The following DTNA variants were observed in gnomAD, a reference collection of about 807,000 sequenced individuals.
DTNA encodes dystrobrevin alpha.
DTNA carries 43 observed loss-of-function variants against 100.7 expected under a neutral mutation model. That is an observed-to-expected ratio of 0.43 (90% CI 0.33 to 0.55). The LOEUF is 0.55. Ranked by LOEUF, DTNA falls within the 20% of genes least tolerant of loss-of-function variation. DTNA has a pLI of 0.04. For synonymous variants in DTNA, 349 were observed against 347.9 expected (o/e 1.00, Z -0.04); for missense variants, 798 against 953.9 (o/e 0.84, Z 2.15).
chr18:34,671,072 A>G (rs2076686434), intron 1 of DTNA, among the ~76,000 whole-genome samples: 1 of 152,148 alleles, frequency 6.6e-6, no homozygotes, highest in Admixed American at 6.5e-5. Context: ...GGCTCCACCC[A>G]GTTCAAGCTT....
Position 34,875,309 on chromosome 18 carries a change from G to T in DTNA, c.1814G>T (p.Arg605Leu), listed in dbSNP as rs768575898. The T allele has an allele frequency of 6.2e-7, 1 of 1,614,152 alleles. No homozygotes were observed. Among genetic ancestry groups the T allele is most frequent in the Admixed American group, 1.7e-5 (1 of 60,028 alleles). ...AGCAGGCCAATTCCCATGCCCATCC[G>T]GTCAGCGTCAGCCTGCTCCACCCCG... ...TISRPIPMPI[R>L]SASACSTPTH... The change falls in exon 18 of 23, where the codon CGG (arginine) becomes CTG (leucine). Residue 605 changes from arginine to leucine, a missense_variant. By Grantham distance (102) the Arg-to-Leu change is moderately radical. Transcript: ENST00000444659.
chr18:34,782,705 A>T (rs1041963911), intron 3 of DTNA, among the ~76,000 whole-genome samples: 2 of 152,208 alleles, frequency 1.3e-5, no homozygotes, highest in African/African-American at 4.8e-5. Flanking sequence ...TGGCTAGAGC[A>T]TAGGACTCTT....
chr18:34,833,687 A>C (rs1305240059), intron 11 of DTNA, among the ~76,000 whole-genome samples: 1 of 152,208 alleles, frequency 6.6e-6, no homozygotes, highest in Non-Finnish European at 1.5e-5. Flanking sequence ...GCAAGGGATT[A>C]GTGAAAAGAA....
At chr18:34,864,595 G>A (rs1170209063) in intron 17 of DTNA, among the ~76,000 whole-genome samples, 2 of 152,168 alleles carry the variant, frequency 1.3e-5, no homozygotes, top group African/African-American at 2.4e-5. Context: ...ACTGCTGAGG[G>A]CCTTCATGGG....
At chr18:34,711,619 A>T (rs1600625698) in intron 1 of DTNA, among the ~76,000 whole-genome samples, 1 of 152,198 alleles carries the variant, frequency 6.6e-6, no homozygotes, top group South Asian at 2.1e-4. Flanking sequence ...ACTAATTAGG[A>T]TAAAAGCCAA....
chr18:34,521,917 T>A (rs966734355), intron 1 of DTNA, among the ~76,000 whole-genome samples: 1 of 152,196 alleles, frequency 6.6e-6, no homozygotes, highest in Non-Finnish European at 1.5e-5. Flanking sequence ...CAATGTAAGC[T>A]GCACAAGGGA....
intron 3 of DTNA, among the ~76,000 whole-genome samples, chr18:34,767,286 T>C (rs2093533677): frequency 6.6e-6 from 1 of 152,150 alleles, no homozygotes; most frequent in African/African-American, 2.4e-5. Flanking sequence ...CCTAGGGCCC[T>C]GGGCAGGTCA....
chr18:34,777,897 G>A (rs1399175441), intron 3 of DTNA, among the ~76,000 whole-genome samples: 4 of 152,140 alleles, frequency 2.6e-5, no homozygotes, highest in Non-Finnish European at 2.9e-5. Context: ...CAACCCCTAA[G>A]TCTGTTTTCC....
At chr18:34,570,609 A>C (rs895052713) in intron 1 of DTNA, among the ~76,000 whole-genome samples, 1 of 152,214 alleles carries the variant, frequency 6.6e-6, no homozygotes, top group Admixed American at 6.5e-5. Context: ...TTTTTTAAAA[A>C]CCACATTCTG....
chr18:34,658,405 C>T (rs143374776), intron 1 of DTNA, among the ~76,000 whole-genome samples: 36 of 152,208 alleles, frequency 2.4e-4, no homozygotes, highest in Non-Finnish European at 1.8e-4. Context: ...CAGGCTGGAG[C>T]GCAGTGGCGT....
intron 3 of DTNA, among the ~76,000 whole-genome samples, chr18:34,779,253 A>G (rs1356709199): frequency 6.6e-6 from 1 of 152,190 alleles, no homozygotes; most frequent in Non-Finnish European, 1.5e-5. Flanking sequence ...CATCCTCCAC[A>G]GTGTCTAGCA....
intron 9 of DTNA, among the ~76,000 whole-genome samples, chr18:34,824,836 A>G (rs2095817883): frequency 6.6e-6 from 1 of 151,648 alleles, no homozygotes; most frequent in Admixed American, 6.6e-5. Flanking sequence ...GTGAGCCACC[A>G]TACCTGGCCA....
chr18:34,673,291 T>C (rs1233294561), intron 1 of DTNA, among the ~76,000 whole-genome samples: 1 of 151,972 alleles, frequency 6.6e-6, no homozygotes, highest in Non-Finnish European at 1.5e-5. Context: ...ATTTTTTCTC[T>C]ATACAATTTC....
chr18:34,650,387 G>A (rs549665956), intron 1 of DTNA, among the ~76,000 whole-genome samples: 9 of 152,232 alleles, frequency 5.9e-5, no homozygotes, highest in African/African-American at 2.2e-4. Flanking sequence ...AAATATGTGA[G>A]TGTGAGTGTG....
Position 34,710,675 on chromosome 18 carries a change from AGT to A in DTNA, c.-2+255_-2+256del, listed in dbSNP as rs113472325. The stretch of plus-strand genomic sequence containing the variant: ...TTTTATGGCAGTGTGTGTGTGTGGG[AGT>A]GTGTGTGTGTGTGTGTGTGTGTGTA... On this transcript the variant is annotated intron_variant, in intron 1 of 22. Transcript: ENST00000444659. Among the ~76,000 whole-genome samples, 5,430 of 146,892 alleles carry A rather than the reference AGT, an allele frequency of 0.037. 272 individuals carry two copies. The highest frequency in any genetic ancestry group is 0.12 in the African/African-American group (4,736 of 40,598).
chr18:34,610,792 A>G (rs1417881433), intron 1 of DTNA, among the ~76,000 whole-genome samples: 1 of 152,200 alleles, frequency 6.6e-6, no homozygotes, highest in East Asian at 1.9e-4. Flanking sequence ...TCATCTCTTA[A>G]ATTGGAACAA....
At chr18:34,567,992 A>G (rs2730111) in intron 1 of DTNA, among the ~76,000 whole-genome samples, 14,034 of 152,102 alleles carry the variant, frequency 0.092, 652 homozygotes, top group South Asian at 0.11. Flanking sequence ...TCTTACATGA[A>G]TATTGCTTTA....
At chr18:34,788,879 T>C (rs1475761684) in intron 3 of DTNA, among the ~76,000 whole-genome samples, 1 of 152,226 alleles carries the variant, frequency 6.6e-6, no homozygotes, top group East Asian at 1.9e-4. Context: ...AGTAGTAGAA[T>C]AGTATGGCTT....
chr18:34,836,631 G>A lies in DTNA; in HGVS notation c.1176-1463G>A, dbSNP rs2096152348. 2.9e-5 allele frequency among the ~76,000 whole-genome samples: 4 copies of A among 137,506 alleles called. No individual in the cohort carries two copies. The South Asian group carries it at 9.4e-4, about 32-fold the overall frequency. 90.2% of individuals were successfully genotyped at this position (137,506 alleles called of 152,430 possible). A position where few individuals can be genotyped will look rare whatever the true frequency, so the allele number is the denominator to read the frequency against. ...CCACTGCACTCCAGCCTGTGCAACA[G>A]AGCGAGACTCTGTCTCAAAAAAAAA... On this transcript the variant is annotated intron_variant, in intron 11 of 22. Transcript: ENST00000444659.
Sources: allele counts gnomAD v4.1 joint callset (sites outside exome capture counted in the v4.1 genomes callset), GRCh38; gene constraint gnomAD v4.1.1; transcripts MANE v1.5; gene names NCBI Gene and HGNC (gene_info 2026-07-23, HGNC 2026-07-21).